The following RCBTB1 variants were observed in gnomAD, a reference collection of about 807,000 sequenced individuals.
The protein encoded by RCBTB1 is RCC1 and BTB domain-containing protein 1.
RCBTB1 carries 46 observed loss-of-function variants against 62.4 expected under a neutral mutation model. The observed-to-expected ratio is 0.74, with a 90% confidence interval of 0.58 to 0.94. The LOEUF (loss-of-function observed/expected upper bound fraction) is 0.94, where lower values mean the gene tolerates loss of function less well. RCBTB1 is among the 40% of genes least tolerant of loss of function. RCBTB1 has a pLI of 0.00. For missense variants in RCBTB1, 565 were observed against 654.9 expected, an observed-to-expected ratio of 0.86 and a Z score of 1.50; for synonymous variants, 222 against 245.8, an observed-to-expected ratio of 0.90 and a Z score of 0.91.
chr13:49,540,810 GA>G, intron 12 of RCBTB1, 65 bp downstream of exon 12: 1 of 1,540,908 alleles, frequency 6.5e-7, no homozygotes, highest in Non-Finnish European at 8.8e-7. Context: ...CCTCACGCAA[GA>G]AGCGGGGGAG....
At chr13:49,570,263 T>C (rs1963309200) in intron 2 of RCBTB1, among the ~76,000 whole-genome samples, 2 of 152,332 alleles carry the variant, frequency 1.3e-5, no homozygotes, top group South Asian at 4.1e-4. Flanking sequence ...CCCTAAGGGT[T>C]TGGTAATCTA....
intron 9 of RCBTB1, chr13:49,546,457 G>A: frequency 2.2e-6 from 1 of 449,436 alleles, no homozygotes; most frequent in Non-Finnish European, 2.9e-6. Flanking sequence ...CCGAGGCGGG[G>A]AGGAGGATGG....
intron 4 of RCBTB1, among the ~76,000 whole-genome samples, chr13:49,564,609 A>AAAAAAAAAAAAAAAAAAAAAAAAAAC (rs1962762273): frequency 9.5e-6 from 1 of 105,372 alleles, no homozygotes; most frequent in African/African-American, 3.4e-5. Context: ...AAAAAAAAAA[A>AAAAAAAAAAAAAAAAAAAAAAAAAAC]TGCCGGGCGC....
chr13:49,551,359 A>G lies in RCBTB1; in HGVS notation c.821T>C (p.Leu274Pro). The G allele has an allele frequency of 6.2e-7, 1 of 1,614,236 alleles. No homozygotes were observed. Among genetic ancestry groups the G allele is most frequent in the Non-Finnish European group, 8.5e-7 (1 of 1,180,036 alleles). ...QLGTGNKNNLLSPAHIMVEKE... is the reference protein window; with the variant it reads ...QLGTGNKNNLPSPAHIMVEKE... ...CTCCACCATGATGTGTGCTGGGCTT[A>G]GCAGGTTATTTTTATTGCCAGTTCC... is the stretch of plus-strand genomic sequence containing the variant. The change falls in exon 8 of 13, where the codon CTA becomes CCA. Residue 274 changes from leucine (L) to proline (P), a missense_variant. Coordinates refer to ENST00000378302, the MANE Select transcript of RCBTB1 (RefSeq NM_018191.4).
intron 1 of RCBTB1, among the ~76,000 whole-genome samples, chr13:49,582,370 G>A (rs968049614): frequency 2.6e-5 from 4 of 152,092 alleles, no homozygotes; most frequent in East Asian, 1.9e-4. Flanking sequence ...GCCTGTAATC[G>A]CAGCTACTCA....
intron 9 of RCBTB1, among the ~76,000 whole-genome samples, chr13:49,547,407 C>T (rs1248978632): frequency 2.6e-5 from 4 of 152,202 alleles, no homozygotes; most frequent in Admixed American, 2.0e-4. Context: ...AACACCTTAA[C>T]TGCCAAGAAC....
chr13:49,562,298 C>G (rs1962501868), intron 4 of RCBTB1, among the ~76,000 whole-genome samples: 1 of 151,454 alleles, frequency 6.6e-6, no homozygotes, highest in African/African-American at 2.4e-5. Context: ...AAGAAATTTC[C>G]CAGAACACAG....
intron 9 of RCBTB1, chr13:49,547,263 G>GCACCCATGC: frequency 9.6e-7 from 1 of 1,041,070 alleles, no homozygotes; most frequent in Non-Finnish European, 1.3e-6. Context: ...TTTAAGGCAA[G>GCACCCATGC]CTTAACTCTT....
chr13:49,537,000 T>C (rs1959990998), intron 12 of RCBTB1, among the ~76,000 whole-genome samples: 1 of 152,234 alleles, frequency 6.6e-6, no homozygotes. Context: ...CACAGAGCAT[T>C]GATGGTCTTA....
At position 49,555,637 on chromosome 13, in the gene RCBTB1, C is replaced by T. The variant is rs1343017193; in HGVS notation, c.481G>A (p.Gly161Arg). 1 of 1,609,668 alleles carries T rather than the reference C, an allele frequency of 6.2e-7. No individual in the cohort carries two copies. The highest frequency in any genetic ancestry group is 1.3e-5 in the African/African-American group (1 of 74,660). Residue 161 changes from glycine (G) to arginine (R), a missense_variant, in exon 6 of 13, where the codon GGA becomes AGA. By Grantham distance (125) the Gly-to-Arg change is moderately radical. Coordinates refer to ENST00000378302, the MANE Select transcript of RCBTB1 (RefSeq NM_018191.4). ...GGTTGATTTGCTGTAGAACCTGATCCCACTTGGCCACAGTTGTTATAACCC... is the reference window on the plus strand; with the variant it reads ...GGTTGATTTGCTGTAGAACCTGATCTCACTTGGCCACAGTTGTTATAACCC... ...AWGYNNCGQV[G>R]SGSTANQPTP... is the part of the protein sequence containing the mutation.
At chr13:49,554,123 G>A (rs1208827770) in intron 6 of RCBTB1, among the ~76,000 whole-genome samples, 1 of 152,144 alleles carries the variant, frequency 6.6e-6, no homozygotes, top group African/African-American at 2.4e-5. Context: ...GCGGGAAGCA[G>A]GCTGAAGAAT....
At chr13:49,545,461 G>A (rs958127710) in intron 9 of RCBTB1, among the ~76,000 whole-genome samples, 2 of 152,024 alleles carry the variant, frequency 1.3e-5, no homozygotes, top group African/African-American at 4.8e-5. Flanking sequence ...AATTCACTTA[G>A]AAACAACACC....
At chr13:49,559,135 G>A (rs948024111) in intron 5 of RCBTB1, among the ~76,000 whole-genome samples, 2 of 152,180 alleles carry the variant, frequency 1.3e-5, no homozygotes, top group Admixed American at 1.3e-4. Context: ...GCTTAAAGTT[G>A]TAGTTTCCAA....
At chr13:49,582,428 A>G (rs530768751) in intron 1 of RCBTB1, among the ~76,000 whole-genome samples, 1 of 152,366 alleles carries the variant, frequency 6.6e-6, no homozygotes, top group Admixed American at 6.5e-5. Flanking sequence ...CGGAGGTTGC[A>G]GTGAGCCAAG....
rs1280702772 is a variant in RCBTB1 at position 49,584,694 on chromosome 13, C to T, written c.-122+750G>A. On this transcript the variant is annotated intron_variant, in intron 1 of 12. Coordinates refer to ENST00000378302, the MANE Select transcript of RCBTB1 (RefSeq NM_018191.4). The stretch of plus-strand genomic sequence containing the variant: ...AGAATAGGGCAAAAGCAAGGAAGAT[C>T]ATGAATCTGGTTTTCTAAAAGCATT... Among the ~76,000 whole-genome samples the T allele has an allele frequency of 2.0e-5, 3 of 152,162 alleles. No individual in the cohort carries two copies. In the East Asian group the frequency reaches 5.8e-4, roughly 29 times the overall value.
In RCBTB1 at chr13:49,559,981, G is replaced by C. The variant is rs142200131; in HGVS notation, c.381C>G (p.Ile127Met). ...CACAAGCTACTTCCACCACTTGCTT[G>C]ATCAAGAGATTGGTACAGACCTGGA... ...APVQVCTNLL[I>M]KQVVEVACGS... is the part of the protein sequence containing the mutation. The change falls in exon 5 of 13, where the codon ATC (isoleucine) becomes ATG (methionine). Residue 127 changes from isoleucine to methionine, a missense_variant. Coordinates refer to ENST00000378302, the MANE Select transcript of RCBTB1 (RefSeq NM_018191.4). 2 of 1,614,028 alleles carry C rather than the reference G, an allele frequency of 1.2e-6. No homozygotes were observed. The highest frequency in any genetic ancestry group is 2.7e-5 in the African/African-American group (2 of 74,924).
At chr13:49,559,394 C>T (rs1026178980) in intron 5 of RCBTB1, among the ~76,000 whole-genome samples, 3 of 152,122 alleles carry the variant, frequency 2.0e-5, no homozygotes, top group Non-Finnish European at 4.4e-5. Flanking sequence ...CGGTGGCTCA[C>T]GCCTGTAATC....
intron 8 of RCBTB1, among the ~76,000 whole-genome samples, chr13:49,550,885 T>C (rs768765813): frequency 2.0e-5 from 3 of 152,122 alleles, no homozygotes; most frequent in Admixed American, 6.5e-5. Flanking sequence ...GTAGATCACT[T>C]GAGGCCAGGA....
At chr13:49,581,410 G>T (rs1594363691) in intron 1 of RCBTB1, among the ~76,000 whole-genome samples, 1 of 152,234 alleles carries the variant, frequency 6.6e-6, no homozygotes, top group Non-Finnish European at 1.5e-5. Context: ...AGAGAACTGT[G>T]CTGCCACTCA....
Sources: allele counts gnomAD v4.1 joint callset (sites outside exome capture counted in the v4.1 genomes callset), GRCh38; gene constraint gnomAD v4.1.1; transcripts MANE v1.5; gene names NCBI Gene and HGNC (gene_info 2026-07-23, HGNC 2026-07-21).